RAB2A: variants seen among roughly 807,000 people sequenced by gnomAD.
RAB2A encodes ras-related protein Rab-2A.
In RAB2A, 7 loss-of-function variants were observed where a neutral mutation model predicts 32.5. The ratio of observed to expected loss-of-function variants is 0.22; its 90% CI spans 0.12 to 0.40. The LOEUF is 0.40. Among genes scored for constraint, RAB2A ranks in the 10% least tolerant of loss-of-function variants. The pLI, the probability that RAB2A is intolerant of heterozygous loss-of-function variation, is 1.00. For missense variants in RAB2A, 108 were observed against 260.7 expected, an observed-to-expected ratio of 0.41 and a Z score of 4.03; for synonymous variants, 79 against 85.2, an observed-to-expected ratio of 0.93 and a Z score of 0.40.
intron 1 of RAB2A, among the ~76,000 whole-genome samples, chr8:60,519,910 T>C (rs893236828): frequency 6.6e-6 from 1 of 152,190 alleles, no homozygotes; most frequent in Non-Finnish European, 1.5e-5. Context: ...TTACCATATT[T>C]CTTTAATGCA....
At chr8:60,576,188 A>G (rs1803621067) in intron 3 of RAB2A, 1 of 455,910 alleles carries the variant, frequency 2.2e-6, no homozygotes, top group Non-Finnish European at 4.4e-6. Context: ...CTTTTCTTTC[A>G]TTTATTAAAA....
chr8:60,523,765 A>G (rs1256695562), intron 1 of RAB2A, among the ~76,000 whole-genome samples: 2 of 145,904 alleles, frequency 1.4e-5, no homozygotes, highest in Non-Finnish European at 3.0e-5. Context: ...ATCTCGGCTC[A>G]CTGCAAGCTC....
chr8:60,563,671 A>G (rs188487440), intron 2 of RAB2A, among the ~76,000 whole-genome samples: 1 of 152,304 alleles, frequency 6.6e-6, no homozygotes, highest in African/African-American at 2.4e-5. Context: ...GAACCATTTC[A>G]GAATTTAGTT....
At chr8:60,540,840 G>T (rs1807633395) in intron 1 of RAB2A, among the ~76,000 whole-genome samples, 1 of 152,192 alleles carries the variant, frequency 6.6e-6, no homozygotes, top group South Asian at 2.1e-4. Context: ...ATATGGAAGG[G>T]CAGAAGATTG....
chr8:60,531,128 A>G (rs918707306), intron 1 of RAB2A, among the ~76,000 whole-genome samples: 1 of 151,886 alleles, frequency 6.6e-6, no homozygotes, highest in Non-Finnish European at 1.5e-5. Flanking sequence ...TCCTTCATTT[A>G]TTTACAGTTG....
At chr8:60,615,315 T>G (rs1229668915) in intron 6 of RAB2A, among the ~76,000 whole-genome samples, 1 of 152,216 alleles carries the variant, frequency 6.6e-6, no homozygotes, top group Non-Finnish European at 1.5e-5. Context: ...ATGTTTAACA[T>G]CTATAGATAA....
chr8:60,602,485 G>C (rs1404985572), intron 6 of RAB2A, among the ~76,000 whole-genome samples: 1 of 152,072 alleles, frequency 6.6e-6, no homozygotes, highest in Admixed American at 6.5e-5. Flanking sequence ...TAGTTTATTT[G>C]GGATCAAGGA....
At chr8:60,604,205 A>G (rs1804186631) in intron 6 of RAB2A, among the ~76,000 whole-genome samples, 1 of 152,138 alleles carries the variant, frequency 6.6e-6, no homozygotes, top group African/African-American at 2.4e-5. Context: ...TTGTGCCATG[A>G]TTGTAAGTTT....
At chr8:60,606,615 T>C (rs1804235592) in intron 6 of RAB2A, among the ~76,000 whole-genome samples, 1 of 152,118 alleles carries the variant, frequency 6.6e-6, no homozygotes, top group Admixed American at 6.5e-5. Context: ...GACAGGATCA[T>C]AGAGAGAGAG....
At chr8:60,521,874 G>A (rs550781134) in intron 1 of RAB2A, among the ~76,000 whole-genome samples, 7 of 152,082 alleles carry the variant, frequency 4.6e-5, no homozygotes, top group East Asian at 1.9e-4. Context: ...CACTCACCTC[G>A]GCCTCCTTAA....
At chr8:60,548,742 G>A (rs1276110970) in intron 1 of RAB2A, among the ~76,000 whole-genome samples, 2 of 133,794 alleles carry the variant, frequency 1.5e-5, no homozygotes, top group African/African-American at 6.0e-5. Context: ...CTCACCTGCC[G>A]GATGGGGCGG....
intron 6 of RAB2A, among the ~76,000 whole-genome samples, chr8:60,607,611 C>T (rs1044103930): frequency 6.6e-6 from 1 of 152,032 alleles, no homozygotes; most frequent in Non-Finnish European, 1.5e-5. Flanking sequence ...CAGAGCTTCC[C>T]AAATACTAAT....
chr8:60,568,987 G>C (rs897713994), intron 2 of RAB2A, among the ~76,000 whole-genome samples: 1 of 152,054 alleles, frequency 6.6e-6, no homozygotes, highest in African/African-American at 2.4e-5. Flanking sequence ...TCAAGTTTTT[G>C]GTTTCTATAT....
At chr8:60,606,441 A>G (rs567452450) in intron 6 of RAB2A, among the ~76,000 whole-genome samples, 12 of 152,278 alleles carry the variant, frequency 7.9e-5, no homozygotes, top group South Asian at 2.1e-4. Context: ...TGATATTCCA[A>G]CTGTTTTGCT....
At chr8:60,558,710 A>T in intron 1 of RAB2A, 142 bp from the exon 2 acceptor site, 1 of 714,944 alleles carries the variant, frequency 1.4e-6, no homozygotes, top group Non-Finnish European at 2.5e-6. Flanking sequence ...CTTATTTTGC[A>T]AGAAATTAGA....
At position 60,558,943 on chromosome 8, in the gene RAB2A, T is replaced by A; in HGVS notation, c.118+20T>A. ...CTATTGGTAAGTTTTATAAAAGGGA[T>A]GAGAAGCACTAAAAGTTTTGGATAG... On this transcript the variant is annotated intron_variant, in intron 2 of 7. Coordinates refer to ENST00000262646, the MANE Select transcript of RAB2A (RefSeq NM_002865.3). The A allele has an allele frequency of 6.4e-7, 1 of 1,569,478 alleles. No homozygotes were observed. The highest frequency in any genetic ancestry group is 8.8e-7 in the Non-Finnish European group (1 of 1,141,430).
At chr8:60,517,508 A>T (rs947090255) in intron 1 of RAB2A, among the ~76,000 whole-genome samples, 1 of 152,108 alleles carries the variant, frequency 6.6e-6, no homozygotes, top group African/African-American at 2.4e-5. Flanking sequence ...GCGACGCCCG[A>T]TTCAGGAAGT....
chr8:60,585,392 A>G (rs1193872892), intron 5 of RAB2A, among the ~76,000 whole-genome samples: 1 of 152,106 alleles, frequency 6.6e-6, no homozygotes, highest in African/African-American at 2.4e-5. Context: ...AGCTCACTGC[A>G]GCTTGGCCTC....
intron 3 of RAB2A, among the ~76,000 whole-genome samples, chr8:60,580,584 T>C (rs1803728915): frequency 6.6e-6 from 1 of 152,252 alleles, no homozygotes; most frequent in African/African-American, 2.4e-5. Context: ...GATCTTAAGA[T>C]GCATAGCTAC....
Sources: gnomAD v4.1 joint callset for allele counts (sites outside exome capture counted in the v4.1 genomes callset) on GRCh38, gnomAD v4.1.1 for gene constraint, MANE v1.5 for transcripts, NCBI Gene and HGNC (gene_info 2026-07-23, HGNC 2026-07-21) for gene names.